The following DOCK1 variants were observed in gnomAD, a reference collection of about 807,000 sequenced individuals.
The protein encoded by DOCK1 is dedicator of cytokinesis protein 1.
A neutral mutation model predicts 262.7 loss-of-function variants in DOCK1; 138 were observed. The ratio of observed to expected loss-of-function variants is 0.53; its 90% CI spans 0.46 to 0.61. The LOEUF (loss-of-function observed/expected upper bound fraction) is 0.61, where lower values mean the gene tolerates loss of function less well. DOCK1 is among the 20% of genes least tolerant of loss of function. The pLI is 0.00. For synonymous variants in DOCK1, 866 were observed against 867.4 expected (o/e 1.00, Z 0.03); for missense variants, 1,908 against 2,370.7 (o/e 0.80, Z 4.05).
intron 48 of DOCK1, among the ~76,000 whole-genome samples, chr10:127,434,540 A>G (rs1000630826): frequency 1.3e-5 from 2 of 152,122 alleles, no homozygotes; most frequent in African/African-American, 2.4e-5. Flanking sequence ...AATATTGCCA[A>G]ACTGAAACTC....
At chr10:126,906,224 C>T (rs1029349652) in intron 1 of DOCK1, among the ~76,000 whole-genome samples, 1 of 152,186 alleles carries the variant, frequency 6.6e-6, no homozygotes, top group Non-Finnish European at 1.5e-5. Context: ...GTTTTTGCTC[C>T]GCGGCTCTTT....
chr10:127,239,736 G>T (rs964464366), intron 27 of DOCK1, among the ~76,000 whole-genome samples: 5 of 151,912 alleles, frequency 3.3e-5, no homozygotes, highest in African/African-American at 1.2e-4. Flanking sequence ...ATAAGACTTC[G>T]AAAATTCTAA....
chr10:127,295,789 C>T (rs1171831521), intron 29 of DOCK1, among the ~76,000 whole-genome samples: 1 of 152,032 alleles, frequency 6.6e-6, no homozygotes, highest in African/African-American at 2.4e-5. Flanking sequence ...CCTGCCTCAC[C>T]CCTAGATAAC....
chr10:126,949,730 GACT>G (rs1257599789), intron 1 of DOCK1, among the ~76,000 whole-genome samples: 1 of 152,146 alleles, frequency 6.6e-6, no homozygotes, highest in Non-Finnish European at 1.5e-5. Flanking sequence ...ACCTAAAAAG[GACT>G]TTGTGACAAG....
In DOCK1 at chr10:127,058,616, CT is replaced by C. The variant is rs34128327; in HGVS notation, c.2337-3045del. Among the ~76,000 whole-genome samples, 147 of 151,268 alleles carry C rather than the reference CT, an allele frequency of 9.7e-4. 6 individuals carry two copies. In the East Asian group the frequency reaches 0.028, roughly 29 times the overall value. ...TTTGCCTTCTTTTATACCAGTTACA[CT>C]TTTTTTAAGCATCTCATTTTCTGAT... On this transcript the variant is annotated intron_variant, in intron 22 of 51. Coordinates refer to ENST00000623213, the MANE Select transcript of DOCK1 (RefSeq NM_001290223.2).
At chr10:127,272,140 C>A (rs1590219644) in intron 29 of DOCK1, 1 of 152,172 alleles carries the variant, frequency 6.6e-6, no homozygotes, top group Non-Finnish European at 1.5e-5. Context: ...TAATACTGTA[C>A]CTGTCAAATT....
chr10:127,199,424 T>C (rs1395467627), intron 27 of DOCK1, among the ~76,000 whole-genome samples: 1 of 152,180 alleles, frequency 6.6e-6, no homozygotes, highest in Non-Finnish European at 1.5e-5. Context: ...TTTATCTATA[T>C]CTGTTCCAAA....
At chr10:126,971,969 T>C (rs1389927666) in intron 2 of DOCK1, among the ~76,000 whole-genome samples, 1 of 152,004 alleles carries the variant, frequency 6.6e-6, no homozygotes, top group Non-Finnish European at 1.5e-5. Flanking sequence ...CAGGCTGGAG[T>C]GCAATGGCGC....
intron 27 of DOCK1, among the ~76,000 whole-genome samples, chr10:127,179,243 C>T (rs963194631): frequency 6.6e-6 from 1 of 152,126 alleles, no homozygotes; most frequent in Admixed American, 6.5e-5. Flanking sequence ...AGGTCTTGGA[C>T]GCAACCATCA....
intron 27 of DOCK1, among the ~76,000 whole-genome samples, chr10:127,183,247 G>C (rs1001762734): frequency 2.6e-5 from 4 of 152,012 alleles, no homozygotes; most frequent in African/African-American, 9.7e-5. Context: ...GACAATCAGG[G>C]CAGGATATCT....
At chr10:126,983,785 C>A (rs1257949433) in intron 4 of DOCK1, among the ~76,000 whole-genome samples, 1 of 152,176 alleles carries the variant, frequency 6.6e-6, no homozygotes, top group African/African-American at 2.4e-5. Context: ...TCTCAGACAT[C>A]CCAAATGATT....
chr10:126,906,665 C>T (rs1000281203), intron 1 of DOCK1, among the ~76,000 whole-genome samples: 1 of 152,220 alleles, frequency 6.6e-6, no homozygotes, highest in African/African-American at 2.4e-5. Flanking sequence ...CCATTCTGTG[C>T]CTGGCCCGTG....
chr10:127,449,357 A>G (rs2070805438), intron 51 of DOCK1, among the ~76,000 whole-genome samples: 1 of 152,156 alleles, frequency 6.6e-6, no homozygotes, highest in Admixed American at 6.5e-5. Flanking sequence ...TCCCTACACT[A>G]GTAAACTGAA....
At chr10:127,450,202 T>C (rs1363040338) in intron 51 of DOCK1, among the ~76,000 whole-genome samples, 1 of 152,238 alleles carries the variant, frequency 6.6e-6, no homozygotes, top group African/African-American at 2.4e-5. Flanking sequence ...CCTCTCTGTG[T>C]TAAGCATTAG....
chr10:127,127,147 CGAA>C (rs996219884), intron 26 of DOCK1, among the ~76,000 whole-genome samples: 2 of 152,146 alleles, frequency 1.3e-5, no homozygotes, highest in African/African-American at 4.8e-5. Flanking sequence ...TCATAGTTCA[CGAA>C]GAAGAATCAA....
chr10:127,409,926 A>G (rs979678964), intron 42 of DOCK1, among the ~76,000 whole-genome samples: 2 of 152,182 alleles, frequency 1.3e-5, no homozygotes, highest in Non-Finnish European at 2.9e-5. Context: ...TCAACTGTCC[A>G]TATTTGAGTG....
intron 27 of DOCK1, among the ~76,000 whole-genome samples, chr10:127,205,747 G>T (rs1255411184): frequency 6.6e-6 from 1 of 152,192 alleles, no homozygotes; most frequent in Admixed American, 6.5e-5. Flanking sequence ...TTGAAACAGG[G>T]TGATGTTTGC....
intron 25 of DOCK1, among the ~76,000 whole-genome samples, chr10:127,123,895 T>G (rs764919966): frequency 6.6e-6 from 1 of 152,258 alleles, no homozygotes; most frequent in Non-Finnish European, 1.5e-5. Context: ...TTCTTCTGCC[T>G]AAGTGTTGAC....
chr10:127,361,357 G>A (rs558512636), intron 32 of DOCK1, among the ~76,000 whole-genome samples: 4 of 151,992 alleles, frequency 2.6e-5, no homozygotes, highest in Non-Finnish European at 4.4e-5. Flanking sequence ...CTCGTGATCT[G>A]CCCGCCTTGG....
Sources: gnomAD v4.1 joint callset for allele counts (sites outside exome capture counted in the v4.1 genomes callset) on GRCh38, gnomAD v4.1.1 for gene constraint, MANE v1.5 for transcripts, NCBI Gene and HGNC (gene_info 2026-07-23, HGNC 2026-07-21) for gene names.